Variants in MCTP2 observed in about 807,000 individuals in gnomAD.
MCTP2 encodes the protein multiple C2 and transmembrane domain containing 2.
Under a neutral mutation model 111.6 loss-of-function variants are expected in MCTP2, and 132 were observed. The observed-to-expected ratio is 1.18, with a 90% CI of 1.03 to 1.37. The LOEUF (loss-of-function observed/expected upper bound fraction) is 1.37, where lower values mean the gene tolerates loss of function less well. Among genes scored for constraint, MCTP2 ranks in the 40% most tolerant of loss-of-function variants. MCTP2 has a pLI of 0.00. For missense variants in MCTP2, 1,183 were observed against 1,067.9 expected (o/e 1.11, Z -1.50); for synonymous variants, 395 against 387.7 (o/e 1.02, Z -0.22).
At chr15:94,287,289 T>C (rs2152320293) in intron 1 of MCTP2, among the ~76,000 whole-genome samples, 1 of 152,292 alleles carries the variant, frequency 6.6e-6, no homozygotes, top group East Asian at 1.9e-4. Context: ...TTTGTAATTC[T>C]TTATACATGG....
At chr15:94,384,740 A>G (rs906634996) in intron 13 of MCTP2, among the ~76,000 whole-genome samples, 1 of 152,240 alleles carries the variant, frequency 6.6e-6, no homozygotes, top group African/African-American at 2.4e-5. Flanking sequence ...GTCTGTGCTT[A>G]TAAGTGAAAA....
At chr15:94,278,990 A>G (rs2074348986) in intron 1 of MCTP2, among the ~76,000 whole-genome samples, 1 of 152,098 alleles carries the variant, frequency 6.6e-6, no homozygotes, top group African/African-American at 2.4e-5. Context: ...CTGTTTTTGT[A>G]CCAATACCAT....
chr15:94,401,972 A>G lies in MCTP2; in HGVS notation c.2038A>G (p.Ser680Gly), dbSNP rs1362825491. Residue 680 changes from serine (S) to glycine (G), a missense_variant, in exon 17 of 23, where the codon AGC (serine) becomes GGC (glycine). Coordinates refer to ENST00000357742, the MANE Select transcript of MCTP2 (RefSeq NM_001385001.1). ...ATGGAATACAATGCAGTTCCTTAAA[A>G]GCTGCTTCCAGTGGGAATCCACATT... ...AIWNTMQFLK[S>G]CFQWESTLRS... is the part of the protein sequence containing the mutation. The G allele has an allele frequency of 1.2e-6, 2 of 1,613,718 alleles. No individual in the cohort carries two copies. Among genetic ancestry groups the G allele is most frequent in the Admixed American group, 3.3e-5 (2 of 60,008 alleles).
rs542744264 is a variant in MCTP2 at position 94,243,892 on chromosome 15, T to C, written c.-66+12228T>C. Among the ~76,000 whole-genome samples, 22 of 145,410 alleles carry C rather than the reference T, an allele frequency of 1.5e-4. No homozygotes were observed. In the East Asian group the frequency reaches 3.9e-3, roughly 26 times the overall value. ...ATGTGTATATATTTATGTACACATA[T>C]ATGTATACACATACATATGTGTATA... On this transcript the variant is annotated intron_variant, in intron 1 of 22. Coordinates refer to ENST00000357742, the MANE Select transcript of MCTP2 (RefSeq NM_001385001.1).
At chr15:94,414,390 A>G (rs553626796) in intron 17 of MCTP2, among the ~76,000 whole-genome samples, 1 of 152,210 alleles carries the variant, frequency 6.6e-6, no homozygotes, top group Non-Finnish European at 1.5e-5. Context: ...AGACACTCTG[A>G]AAACCTATTT....
At chr15:94,248,029 G>T (rs1567271461) in intron 1 of MCTP2, among the ~76,000 whole-genome samples, 1 of 152,102 alleles carries the variant, frequency 6.6e-6, no homozygotes, top group Non-Finnish European at 1.5e-5. Flanking sequence ...AAACTAACAA[G>T]ATAATGTTGG....
At chr15:94,448,057 T>C (rs1175803671) in intron 19 of MCTP2, among the ~76,000 whole-genome samples, 1 of 152,234 alleles carries the variant, frequency 6.6e-6, no homozygotes, top group Non-Finnish European at 1.5e-5. Flanking sequence ...TCCAGCCAAT[T>C]CTTAATTATC....
At chr15:94,396,278 C>T (rs1449796477) in intron 14 of MCTP2, among the ~76,000 whole-genome samples, 3 of 152,036 alleles carry the variant, frequency 2.0e-5, no homozygotes, top group Admixed American at 1.3e-4. Context: ...CCTTTGCTGA[C>T]GGAGATCTCA....
At chr15:94,310,615 T>C (rs1423520129) in intron 2 of MCTP2, among the ~76,000 whole-genome samples, 1 of 151,934 alleles carries the variant, frequency 6.6e-6, no homozygotes, top group Non-Finnish European at 1.5e-5. Context: ...TGTGCGACAG[T>C]TATGGCAGCT....
chr15:94,247,334 C>A (rs2072089434), intron 1 of MCTP2, among the ~76,000 whole-genome samples: 1 of 152,102 alleles, frequency 6.6e-6, no homozygotes, highest in Non-Finnish European at 1.5e-5. Flanking sequence ...TTCCAGCTGT[C>A]TCCAGGATCC....
intron 12 of MCTP2, among the ~76,000 whole-genome samples, chr15:94,374,571 A>G (rs2079654752): frequency 6.6e-6 from 1 of 152,210 alleles, no homozygotes; most frequent in Non-Finnish European, 1.5e-5. Context: ...CTTAGAATCA[A>G]AAAGTGGGTT....
chr15:94,456,282 CT>C (rs1445245852), intron 19 of MCTP2, among the ~76,000 whole-genome samples: 1 of 152,148 alleles, frequency 6.6e-6, no homozygotes, highest in Non-Finnish European at 1.5e-5. Context: ...CTAACTCATG[CT>C]TTCTTCACAA....
intron 10 of MCTP2, among the ~76,000 whole-genome samples, chr15:94,365,863 T>G (rs2079155777): frequency 6.6e-6 from 1 of 152,168 alleles, no homozygotes; most frequent in African/African-American, 2.4e-5. Flanking sequence ...TATTGTTAAT[T>G]TGTAACATTG....
Position 94,384,057 on chromosome 15 carries a change from A to G in MCTP2, c.1618A>G (p.Asn540Asp), listed in dbSNP as rs1257204734. Residue 540 changes from asparagine (N) to aspartate (D), a missense_variant, in exon 13 of 23, where the codon AAT (asparagine) becomes GAT (aspartate). Asn to Asp is a conservative substitution (Grantham distance 23). Coordinates refer to ENST00000357742, the MANE Select transcript of MCTP2 (RefSeq NM_001385001.1). Reference sequence around the variant, plus strand: ...CCCATTTTGCTTGTTGGAGTTAGGCAATGACCGACTTCAGACGCATACCGT... The same window carrying G: ...CCCATTTTGCTTGTTGGAGTTAGGCGATGACCGACTTCAGACGCATACCGT... ...SDPFCLLELGNDRLQTHTVYK... is the reference protein window; with the variant it reads ...SDPFCLLELGDDRLQTHTVYK... 4.3e-6 allele frequency: 7 copies of G among 1,613,926 alleles called. No homozygotes were observed. In the African/African-American group the frequency reaches 5.3e-5, roughly 12 times the overall value.
chr15:94,342,896 A>G (rs1324433631), intron 7 of MCTP2: 1 of 149,572 alleles, frequency 6.7e-6, no homozygotes. Flanking sequence ...GAATTTTTAT[A>G]TCCATATTTA....
chr15:94,315,770 C>A, intron 4 of MCTP2, 133 bp downstream of exon 4: 1 of 642,652 alleles, frequency 1.6e-6, no homozygotes. Context: ...CTAAGTCTCT[C>A]CAGGTATAAG....
intron 14 of MCTP2, among the ~76,000 whole-genome samples, chr15:94,390,092 A>G (rs1199231901): frequency 0.025 from 296 of 11,872 alleles, 10 homozygotes; most frequent in African/African-American, 0.064. Flanking sequence ...ATATATATGT[A>G]TATATATATA....
chr15:94,423,230 G>A (rs2082711642), intron 17 of MCTP2, among the ~76,000 whole-genome samples: 1 of 152,082 alleles, frequency 6.6e-6, no homozygotes. Flanking sequence ...AAACATGATG[G>A]CAGCCATTCA....
At chr15:94,390,049 CATATATATATATAT>C (rs1169783409) in intron 14 of MCTP2, among the ~76,000 whole-genome samples, 50 of 109,654 alleles carry the variant, frequency 4.6e-4, no homozygotes, top group African/African-American at 1.7e-3. Context: ...ATGTTCAAGG[CATATATATATATAT>C]ATATATATAT....
Sources: allele counts gnomAD v4.1 joint callset (sites outside exome capture counted in the v4.1 genomes callset), GRCh38; gene constraint gnomAD v4.1.1; transcripts MANE v1.5; gene names NCBI Gene and HGNC (gene_info 2026-07-23, HGNC 2026-07-21).